The following AP4S1 variants were observed in gnomAD, a reference collection of about 807,000 sequenced individuals.
AP4S1 encodes the protein AP-4 complex subunit sigma-1.
AP4S1 carries 23 observed loss-of-function variants against 19.8 expected under a neutral mutation model. That is an observed-to-expected ratio of 1.16 (90% confidence interval 0.84 to 1.65). AP4S1 has a LOEUF of 1.65. AP4S1 is among the 40% of genes most tolerant of loss of function. The pLI is 0.00. For missense variants in AP4S1, 166 were observed against 172.8 expected (o/e 0.96, Z 0.22); for synonymous variants, 46 against 54.1 (o/e 0.85, Z 0.66).
At chr14:31,085,019 A>G in intron 5 of AP4S1, 1 of 1,492,956 alleles carries the variant, frequency 6.7e-7, no homozygotes, top group South Asian at 1.3e-5. Flanking sequence ...GCCTTTAAAG[A>G]GGCCTAAGGA....
chr14:31,050,114 G>A (rs570755028), intron 1 of AP4S1, among the ~76,000 whole-genome samples: 1 of 152,256 alleles, frequency 6.6e-6, no homozygotes, highest in Non-Finnish European at 1.5e-5. Flanking sequence ...TAGAGACAAG[G>A]TTTCACCATG....
At chr14:31,059,750 C>T (rs1176905392) in intron 1 of AP4S1, among the ~76,000 whole-genome samples, 2 of 151,912 alleles carry the variant, frequency 1.3e-5, no homozygotes, top group Non-Finnish European at 2.9e-5. Context: ...TGGCCACAGG[C>T]CTCCCCCATG....
rs1167418900 is a variant in AP4S1 at position 31,069,847 on chromosome 14, C to T, written c.143C>T (p.Ser48Phe). ...SCLSRSNEQC[S>F]FIEYKDFKLI... is the part of the protein sequence containing the mutation. ...ATCTCATTGTGTTTTGTCTAGTGCT[C>T]TTTCATTGAATATAAGGATTTTAAG... The change falls in exon 3 of 6, where the codon TCT (serine) becomes TTT (phenylalanine). Residue 48 changes from serine (S) to phenylalanine (F), a missense_variant. By Grantham distance (155) the Ser-to-Phe change is radical. Transcript: ENST00000542754. The T allele has an allele frequency of 6.2e-7, 1 of 1,611,340 alleles. No individual in the cohort carries two copies.
At chr14:31,065,703 C>T (rs1402342916) in intron 1 of AP4S1, among the ~76,000 whole-genome samples, 1 of 151,982 alleles carries the variant, frequency 6.6e-6, no homozygotes, top group Non-Finnish European at 1.5e-5. Flanking sequence ...CTCTGTTGCC[C>T]AGGCTGGAGT....
At chr14:31,082,574 C>T (rs1329246587) in intron 5 of AP4S1, among the ~76,000 whole-genome samples, 2 of 152,170 alleles carry the variant, frequency 1.3e-5, no homozygotes, top group Admixed American at 6.5e-5. Flanking sequence ...ACACATAACC[C>T]GCTCATCTTA....
At chr14:31,025,971 A>G (rs1290696848) in intron 1 of AP4S1, 184 bp downstream of exon 1, 1 of 1,583,892 alleles carries the variant, frequency 6.3e-7, no homozygotes, top group Non-Finnish European at 8.6e-7. Flanking sequence ...CTCGTGCTGG[A>G]TGTAGTGCAG....
intron 1 of AP4S1, among the ~76,000 whole-genome samples, chr14:31,065,713 T>C (rs932484111): frequency 2.6e-5 from 4 of 152,212 alleles, no homozygotes; most frequent in Admixed American, 1.3e-4. Context: ...CAGGCTGGAG[T>C]GCAGTGGCGC....
intron 1 of AP4S1, among the ~76,000 whole-genome samples, chr14:31,036,101 T>TTA (rs1269881415): frequency 6.6e-6 from 1 of 152,000 alleles, no homozygotes. Flanking sequence ...ATTTAATATA[T>TTA]TATTTCCTCC....
In AP4S1 at chr14:31,063,422, A is replaced by G. The variant is rs1208773422; in HGVS notation, c.-71-2704A>G. Among the ~76,000 whole-genome samples, 3 of 152,102 alleles carry G rather than the reference A, an allele frequency of 2.0e-5. No individual in the cohort carries two copies. In the East Asian group the frequency reaches 5.8e-4, roughly 29 times the overall value. On this transcript the variant is annotated intron_variant, in intron 1 of 5. Transcript: ENST00000542754. The stretch of plus-strand genomic sequence containing the variant: ...GCACTCCAGCCTGGGTGACAGAGTG[A>G]GACTCTGTCTCAAAAATAAAAATAA...
chr14:31,083,302 G>C (rs1428024094), intron 5 of AP4S1, among the ~76,000 whole-genome samples: 1 of 151,918 alleles, frequency 6.6e-6, no homozygotes, highest in Non-Finnish European at 1.5e-5. Context: ...TGTATTTACT[G>C]TCCTTAGGAA....
chr14:31,035,224 C>T (rs1456730680), intron 1 of AP4S1, among the ~76,000 whole-genome samples: 6 of 110,568 alleles, frequency 5.4e-5, no homozygotes, highest in Non-Finnish European at 8.4e-5. Flanking sequence ...GAGATGGAGT[C>T]TAGCTCTATC....
Position 31,092,974 on chromosome 14 carries a change from A to AAACT in AP4S1, c.378_381dup (p.Arg128Ter). The AAACT allele has an allele frequency of 6.5e-7, 1 of 1,549,084 alleles. No homozygotes were observed. The highest frequency in any genetic ancestry group is 8.7e-7 in the Non-Finnish European group (1 of 1,146,508). ...ATGGTGTTAAATGGCTGCATTGTGGAAACTAACAGGGCAAGAATTCTTGCC... is the reference window on the plus strand; with the variant it reads ...ATGGTGTTAAATGGCTGCATTGTGGAAACTAACTAACAGGGCAAGAATTCTTGCC... On this transcript the variant is annotated frameshift_variant, in exon 6 of 6. Transcript: ENST00000542754. LOFTEE classifies it high-confidence loss of function.
chr14:31,025,651 TA>T lies in AP4S1; in HGVS notation c.-204del. ...GGAGGAGCCCCCGCAGACGCCATACTAAAAGCCAAAATGGCTGCCCCGAGGA... is the reference window on the plus strand; with the variant it reads ...GGAGGAGCCCCCGCAGACGCCATACTAAAGCCAAAATGGCTGCCCCGAGGA... On this transcript the variant is annotated 5_prime_UTR_variant, in exon 1 of 6. Transcript: ENST00000542754. The T allele has an allele frequency of 1.8e-6, 1 of 565,282 alleles. No homozygotes were observed. The highest frequency in any genetic ancestry group is 3.0e-6 in the Non-Finnish European group (1 of 331,002). 35.0% of individuals were successfully genotyped at this position (565,282 alleles called of 1,614,324 possible).
At chr14:31,091,596 A>G (rs1888077769) in intron 5 of AP4S1, among the ~76,000 whole-genome samples, 1 of 151,254 alleles carries the variant, frequency 6.6e-6, no homozygotes, top group South Asian at 2.1e-4. Context: ...ATTCTGCTGG[A>G]GGACTATTTG....
intron 3 of AP4S1, among the ~76,000 whole-genome samples, chr14:31,070,382 AG>A (rs1199484586): frequency 1.3e-5 from 2 of 152,194 alleles, no homozygotes; most frequent in African/African-American, 4.8e-5. Context: ...CTGGGACTGC[AG>A]GCTCACACTC....
At chr14:31,066,382 G>A (rs750260851) in intron 2 of AP4S1, 48 bp downstream of exon 2, 11 of 1,611,864 alleles carry the variant, frequency 6.8e-6, no homozygotes, top group Non-Finnish European at 8.5e-6. Flanking sequence ...CTCAGCCTTG[G>A]CAGATTTGTT....
Position 31,095,226 on chromosome 14 carries a change from T to TAACA in AP4S1, c.*2192_*2195dup, listed in dbSNP as rs1888171199. 1 of 152,230 alleles carries TAACA rather than the reference T, an allele frequency of 6.6e-6. No individual in the cohort carries two copies. Among genetic ancestry groups the TAACA allele is most frequent in the African/African-American group, 2.4e-5 (1 of 41,452 alleles). The allele number at this position is 152,230 out of a possible 1,614,324, so 9.4% of individuals were successfully genotyped here. On this transcript the variant is annotated 3_prime_UTR_variant, in exon 6 of 6. Coordinates refer to ENST00000542754, the MANE Select transcript of AP4S1 (RefSeq NM_001128126.3). ...CAAAAACAAAACAAAAAAACTTTTA[T>TAACA]AACATGTACCTAACAAAGATGCAGA... is the stretch of plus-strand genomic sequence containing the variant.
chr14:31,059,194 T>C (rs1039102903), intron 1 of AP4S1, among the ~76,000 whole-genome samples: 3 of 152,248 alleles, frequency 2.0e-5, no homozygotes, highest in African/African-American at 7.2e-5. Flanking sequence ...AATTGTCTAA[T>C]GTTTAAGAGC....
intron 1 of AP4S1, among the ~76,000 whole-genome samples, chr14:31,057,043 C>T (rs905754775): frequency 5.9e-5 from 9 of 152,066 alleles, no homozygotes; most frequent in African/African-American, 1.7e-4. Context: ...CACTACACTC[C>T]AGCCTCGGTG....
Sources: allele counts gnomAD v4.1 joint callset (sites outside exome capture counted in the v4.1 genomes callset), GRCh38; gene constraint gnomAD v4.1.1; transcripts MANE v1.5; gene names NCBI Gene and HGNC (gene_info 2026-07-23, HGNC 2026-07-21).